The following MDN1 variants were observed in gnomAD, a reference collection of about 807,000 sequenced individuals.
MDN1 encodes the protein midasin AAA ATPase 1, also known as midasin.
Under a neutral mutation model 669.2 loss-of-function variants are expected in MDN1, and 266 were observed. The ratio of observed to expected loss-of-function variants is 0.40; its 90% CI spans 0.36 to 0.44. The LOEUF is 0.44. MDN1 is among the 20% of genes least tolerant of loss of function. The probability of loss-of-function intolerance (pLI) is 1.00; values close to 1 mark genes in which losing one functional copy is unlikely to be tolerated. For synonymous variants in MDN1, 2,385 were observed against 2,457.1 expected (o/e 0.97, Z 0.87); for missense variants, 5,940 against 6,754.0 (o/e 0.88, Z 4.22).
intron 1 of MDN1, among the ~76,000 whole-genome samples, chr6:89,812,266 G>A (rs1169713950): frequency 6.8e-6 from 1 of 146,890 alleles, no homozygotes; most frequent in Admixed American, 6.7e-5. Context: ...TTACAGGCGT[G>A]AGCCACCGCG....
At chr6:89,669,218 A>G (rs920960336) in intron 83 of MDN1, among the ~76,000 whole-genome samples, 3 of 152,166 alleles carry the variant, frequency 2.0e-5, no homozygotes, top group Admixed American at 6.5e-5. Flanking sequence ...CTACGGTACA[A>G]ATGGACAAAT....
chr6:89,750,502 T>A lies in MDN1; in HGVS notation c.3258A>T (p.Thr1086=). 6.2e-7 allele frequency: 1 copy of A among 1,613,664 alleles called. No individual in the cohort carries two copies. Among genetic ancestry groups the A allele is most frequent in the Non-Finnish European group, 8.5e-7 (1 of 1,179,586 alleles). ...GGATCAGGCTTGTTTTACCAACTGA[T>A]GTCTCTCCCTGAATCAGCACTGGAT... ...GTYPVLIQGE[T]SVGKTSLIQW... The change falls in exon 24 of 102, where the codon ACA becomes ACT. Residue 1086 remains threonine, a synonymous_variant. Transcript: ENST00000369393.
chr6:89,697,614 CTG>C (rs949371247), intron 59 of MDN1, among the ~76,000 whole-genome samples: 2 of 151,256 alleles, frequency 1.3e-5, no homozygotes, highest in African/African-American at 4.9e-5. Flanking sequence ...CAGGGTCTCA[CTG>C]TGTAACCCAG....
rs769665944 is a variant in MDN1, at chr6:89,680,675, A to T, written c.12179T>A (p.Leu4060His). ...GCACATCTTCCTCATGCGTTTCCTG[A>T]GCTTTGGCAAGCGACGCAGAAGCTC... ...EGELLRRLPK[L>H]RKRMRKMCLT... The change falls in exon 74 of 102, where the codon CTC becomes CAC. Residue 4060 changes from leucine to histidine, a missense_variant. Physicochemically the swap from Leu to His is moderately conservative, Grantham distance 99. This residue lies in a region of MDN1 where 2,280 missense variants were observed against 2,576.3 expected (regional missense o/e 0.88). Transcript: ENST00000369393. 6.2e-7 allele frequency: 1 copy of T among 1,614,070 alleles called. No individual in the cohort carries two copies. Among genetic ancestry groups the T allele is most frequent in the Non-Finnish European group, 8.5e-7 (1 of 1,180,008 alleles).
intron 74 of MDN1, 71 bp downstream of exon 74, chr6:89,680,518 A>C: frequency 1.3e-6 from 2 of 1,548,236 alleles, no homozygotes; most frequent in South Asian, 2.5e-5. Context: ...CACAGTTGCC[A>C]CATTCTCAGC....
At chr6:89,653,177 A>G in intron 93 of MDN1, 22 bp from the exon 94 acceptor site, 1 of 1,597,770 alleles carries the variant, frequency 6.3e-7, no homozygotes, top group South Asian at 1.1e-5. Flanking sequence ...TAAGGACATA[A>G]TTTTACTTAT....
chr6:89,804,969 G>A (rs566143136), intron 1 of MDN1, among the ~76,000 whole-genome samples: 5 of 146,908 alleles, frequency 3.4e-5, no homozygotes, highest in Non-Finnish European at 5.9e-5. Flanking sequence ...CCCGGGAGGC[G>A]GAGCCTGTAG....
At position 89,648,251 on chromosome 6, in the gene MDN1, C is replaced by T; in HGVS notation, c.16280+5G>A. 6.2e-7 allele frequency: 1 copy of T among 1,613,826 alleles called. No individual in the cohort carries two copies. The highest frequency in any genetic ancestry group is 8.5e-7 in the Non-Finnish European group (1 of 1,179,740). On this transcript the variant is annotated splice_donor_5th_base_variant and intron_variant, in intron 98 of 101. Coordinates refer to ENST00000369393, the MANE Select transcript of MDN1 (RefSeq NM_014611.3). ...TTTCATAAAGGAATTACAAAGCAACCTTACCTACACACTGCAATCTGACCC... is the reference window on the plus strand; with the variant it reads ...TTTCATAAAGGAATTACAAAGCAACTTTACCTACACACTGCAATCTGACCC...
chr6:89,741,283 C>T (rs1409439487), intron 31 of MDN1, among the ~76,000 whole-genome samples: 1 of 151,954 alleles, frequency 6.6e-6, no homozygotes, highest in Admixed American at 6.6e-5. Context: ...AGCTTGAAAC[C>T]ACCTTTGCAA....
chr6:89,702,004 C>A lies in MDN1; in HGVS notation c.8206G>T (p.Val2736Leu), dbSNP rs760743288. The A allele has an allele frequency of 1.2e-6, 2 of 1,613,868 alleles. No homozygotes were observed. The highest frequency in any genetic ancestry group is 1.1e-5 in the South Asian group (1 of 91,074). Residue 2736 changes from valine to leucine, a missense_variant, in exon 54 of 102, where the codon GTA becomes TTA. Transcript: ENST00000369393. ...AGAAGGGCCAGACCTGGGGCATCTA[C>A]TTTTACTGTGTCGGCCACAGTCCAG... Reference protein sequence around the residue: ...RFWTVADTVKVDAPGLALLAL... With the variant: ...RFWTVADTVKLDAPGLALLAL...
intron 84 of MDN1, among the ~76,000 whole-genome samples, chr6:89,665,294 C>T (rs996758723): frequency 3.3e-5 from 5 of 152,038 alleles, no homozygotes; most frequent in African/African-American, 4.8e-5. Context: ...CCCAAAGTGG[C>T]GGGATTACAG....
At position 89,754,219 on chromosome 6, in the gene MDN1, G is replaced by C; in HGVS notation, c.2828C>G (p.Ala943Gly). 3.7e-6 allele frequency: 6 copies of C among 1,613,800 alleles called. No individual in the cohort carries two copies. The highest frequency in any genetic ancestry group is 3.4e-6 in the Non-Finnish European group (4 of 1,179,818). The change falls in exon 21 of 102, where the codon GCT (alanine) becomes GGT (glycine). Residue 943 changes from alanine (A) to glycine (G), a missense_variant. By Grantham distance (60) the Ala-to-Gly change is moderately conservative (BLOSUM62 0). Around this residue, in one of 5 missense-constraint regions of MDN1, gnomAD observed 1,203 missense variants for 1,268.9 expected, o/e 0.95. Transcript: ENST00000369393. ...TTTGGTCCCAGACTCTTTCCGCAAA[G>C]CTGTGTAGAAGCTACAAATAGAATA... Reference protein sequence around the residue: ...TVQGIINFYTALRKESGTKLV... With the variant: ...TVQGIINFYTGLRKESGTKLV...
At chr6:89,668,553 A>T (rs1284581829) in intron 83 of MDN1, among the ~76,000 whole-genome samples, 1 of 152,254 alleles carries the variant, frequency 6.6e-6, no homozygotes, top group Non-Finnish European at 1.5e-5. Context: ...AAACTATTTT[A>T]TACAGGAAAA....
chr6:89,669,421 T>C (rs1225207110), intron 83 of MDN1, among the ~76,000 whole-genome samples: 1 of 152,200 alleles, frequency 6.6e-6, no homozygotes, highest in Non-Finnish European at 1.5e-5. Flanking sequence ...TACTTATCAT[T>C]ACTACAGATA....
chr6:89,786,546 A>C (rs1186992632), intron 8 of MDN1, among the ~76,000 whole-genome samples: 1 of 152,136 alleles, frequency 6.6e-6, no homozygotes, highest in Non-Finnish European at 1.5e-5. Context: ...GTTTGTGGTT[A>C]CAGTAAGCTA....
At chr6:89,784,484 T>C (rs1394185271) in intron 9 of MDN1, among the ~76,000 whole-genome samples, 1 of 152,104 alleles carries the variant, frequency 6.6e-6, no homozygotes. Flanking sequence ...AGGGAAATCT[T>C]CCAAGTGAGA....
At position 89,749,344 on chromosome 6, in the gene MDN1, C is replaced by A. The variant is rs1411367744; in HGVS notation, c.3641G>T (p.Arg1214Leu). The change falls in exon 26 of 102, where the codon CGG becomes CTG. Residue 1214 changes from arginine to leucine, a missense_variant. By Grantham distance (102) the Arg-to-Leu change is moderately radical. Transcript: ENST00000369393. The part of the protein sequence containing the change: ...RKVLSRAFRN[R>L]FVELHFDELP... ...CTCATCAAAGTGCAATTCCACAAAC[C>A]GATTCCTGAAGGCTCTAGAAAGGAC... 5.0e-6 allele frequency: 8 copies of A among 1,614,060 alleles called. No homozygotes were observed. The highest frequency in any genetic ancestry group is 6.8e-6 in the Non-Finnish European group (8 of 1,179,986).
rs1282238909 is a variant in MDN1, at chr6:89,730,707, T to C, written c.5140+19A>G. ...GATCTATAGAAAAGGAAAATTCATT[T>C]TTTAAAAATCATTCTTACCCCTTGG... On this transcript the variant is annotated intron_variant, in intron 35 of 101. Coordinates refer to ENST00000369393, the MANE Select transcript of MDN1 (RefSeq NM_014611.3). The C allele has an allele frequency of 1.3e-6, 2 of 1,598,896 alleles. No homozygotes were observed. Among genetic ancestry groups the C allele is most frequent in the Non-Finnish European group, 1.7e-6 (2 of 1,173,776 alleles).
chr6:89,711,287 G>A (rs927808606), intron 49 of MDN1, among the ~76,000 whole-genome samples: 4 of 151,854 alleles, frequency 2.6e-5, no homozygotes, highest in Non-Finnish European at 4.4e-5. Context: ...CATATCTGAG[G>A]GTTCCACATC....
Sources: gnomAD v4.1 joint callset for allele counts (sites outside exome capture counted in the v4.1 genomes callset) on GRCh38, gnomAD v4.1.1 for gene constraint, gnomAD v4.1.1 regional missense constraint, MANE v1.5 for transcripts, NCBI Gene and HGNC (gene_info 2026-07-23, HGNC 2026-07-21) for gene names.